The following DCT variants were observed in gnomAD, a reference collection of about 807,000 sequenced individuals.
The protein encoded by DCT is dopachrome tautomerase, also known as L-dopachrome tautomerase.
In DCT, 47 loss-of-function variants were observed where a neutral mutation model predicts 53.0. The ratio of observed to expected loss-of-function variants is 0.89; its 90% CI spans 0.70 to 1.13. The LOEUF (loss-of-function observed/expected upper bound fraction) is 1.13. DCT is among the 50% of genes most tolerant of loss of function. The pLI, the probability that DCT is intolerant of heterozygous loss-of-function variation, is 0.00. For synonymous variants in DCT, 244 were observed against 237.0 expected, an observed-to-expected ratio of 1.03 and a Z score of -0.27; for missense variants, 669 against 637.4, an observed-to-expected ratio of 1.05 and a Z score of -0.53.
At chr13:94,485,155 G>A in the DCT span, among the ~76,000 whole-genome samples, 3 of 151,876 alleles carry the variant, frequency 2.0e-5, no homozygotes, top group Non-Finnish European at 2.9e-5. Context: ...GCCACAAGAG[G>A]AACTTCAGGG....
At chr13:94,467,355 G>C (rs917134843) in intron 2 of DCT, 3 of 152,170 alleles carry the variant, frequency 2.0e-5, no homozygotes, top group African/African-American at 7.2e-5. Flanking sequence ...AGCTTTGATG[G>C]TTATGTGGAA....
At chr13:94,513,084 A>C in the DCT span, among the ~76,000 whole-genome samples, 1 of 152,256 alleles carries the variant, frequency 6.6e-6, no homozygotes, top group Non-Finnish European at 1.5e-5. Flanking sequence ...TTAAAGACAC[A>C]AAGGGCTGGT....
chr13:94,528,587 C>T, the DCT span, among the ~76,000 whole-genome samples: 58 of 152,220 alleles, frequency 3.8e-4, no homozygotes, highest in African/African-American at 1.3e-3. Context: ...GACAAGCAAA[C>T]GCTGAGAGAT....
chr13:94,440,676 G>GTTTTTTTTTTTTTTTTTTTTTTT (rs761688508), intron 7 of DCT, among the ~76,000 whole-genome samples: 1 of 98,054 alleles, frequency 1.0e-5, no homozygotes, highest in Non-Finnish European at 1.9e-5. Flanking sequence ...TCATTTTTTG[G>GTTTTTTTTTTTTTTTTTTTTTTT]TTTTTTTTTT....
chr13:94,524,434 G>A, the DCT span, among the ~76,000 whole-genome samples: 9 of 152,170 alleles, frequency 5.9e-5, no homozygotes, highest in South Asian at 2.1e-4. Context: ...GCCCATAGCC[G>A]TCCTGGGCCA....
chr13:94,528,805 T>C, the DCT span, among the ~76,000 whole-genome samples: 1 of 130,590 alleles, frequency 7.7e-6, no homozygotes, highest in Non-Finnish European at 1.6e-5. Flanking sequence ...TAACCTTAAA[T>C]GTAAATGGGC....
chr13:94,518,921 C>T, the DCT span, among the ~76,000 whole-genome samples: 1,571 of 152,266 alleles, frequency 0.01, 28 homozygotes, highest in African/African-American at 0.036. Context: ...TGCAGTCTTG[C>T]TGGCCTTATC....
intron 1 of DCT, among the ~76,000 whole-genome samples, chr13:94,476,309 C>T (rs1885081337): frequency 6.9e-6 from 1 of 145,596 alleles, no homozygotes; most frequent in South Asian, 2.2e-4. Context: ...TCTATTCTTT[C>T]TATCCCTACC....
At chr13:94,546,041 T>G in the DCT span, among the ~76,000 whole-genome samples, 4 of 152,186 alleles carry the variant, frequency 2.6e-5, no homozygotes, top group East Asian at 7.7e-4. This position sits in a 1 kb window ranked among gnomAD's most constrained non-coding sequence, Gnocchi z 4.2. Flanking sequence ...CTATGCACCA[T>G]CTGATGAAAG....
Position 94,479,270 on chromosome 13 carries a change from G to C in DCT, c.-15C>G. On this transcript the variant is annotated 5_prime_UTR_variant, in exon 1 of 8. Transcript: ENST00000377028. ...AGGGGGCTCATGGCTTTATAATTGG[G>C]AGAGCTCTCTCTCTCTCTTACTTTC... 6.4e-7 allele frequency: 1 copy of C among 1,550,996 alleles called. No homozygotes were observed. Among genetic ancestry groups the C allele is most frequent in the Non-Finnish European group, 8.7e-7 (1 of 1,143,734 alleles).
At chr13:94,452,812 A>T (rs1566815833) in intron 6 of DCT, 1 of 410,408 alleles carries the variant, frequency 2.4e-6, no homozygotes, top group Non-Finnish European at 4.3e-6. Flanking sequence ...GGAATAAGTT[A>T]AAAAAAAAGT....
chr13:94,530,695 C>A, the DCT span, among the ~76,000 whole-genome samples: 1 of 144,264 alleles, frequency 6.9e-6, no homozygotes, highest in East Asian at 2.5e-4. Flanking sequence ...CCTGAATGGG[C>A]AAAAACTGGA....
chr13:94,493,298 G>GA, the DCT span, among the ~76,000 whole-genome samples: 5 of 151,600 alleles, frequency 3.3e-5, no homozygotes, highest in East Asian at 1.9e-4. Context: ...TATGCTGAGT[G>GA]AAAAAAAACC....
At chr13:94,459,234 T>A (rs1883618640) in intron 6 of DCT, among the ~76,000 whole-genome samples, 1 of 151,966 alleles carries the variant, frequency 6.6e-6, no homozygotes, top group East Asian at 1.9e-4. Flanking sequence ...ACCAAAGGAG[T>A]TCATCACACT....
chr13:94,491,120 CAT>C, the DCT span, among the ~76,000 whole-genome samples: 1 of 152,072 alleles, frequency 6.6e-6, no homozygotes, highest in Non-Finnish European at 1.5e-5. Context: ...GACTGGGAAC[CAT>C]AGAGAGTAAA....
At chr13:94,443,005 C>G (rs949481544) in intron 7 of DCT, among the ~76,000 whole-genome samples, 1 of 152,190 alleles carries the variant, frequency 6.6e-6, no homozygotes, top group African/African-American at 2.4e-5. Context: ...ACTTTCCTCA[C>G]CCTAATCCCA....
chr13:94,533,526 T>C, the DCT span, among the ~76,000 whole-genome samples: 1 of 152,178 alleles, frequency 6.6e-6, no homozygotes, highest in Admixed American at 6.6e-5. Flanking sequence ...GGCTCACACC[T>C]ATAATCCCAA....
chr13:94,509,522 G>T, the DCT span, among the ~76,000 whole-genome samples: 1 of 151,972 alleles, frequency 6.6e-6, no homozygotes, highest in Non-Finnish European at 1.5e-5. Flanking sequence ...TGGCCCTAAA[G>T]TGGGGACAAT....
At chr13:94,465,971 TATATATATATATA>T (rs1884174682) in intron 3 of DCT, among the ~76,000 whole-genome samples, 172 bp from the exon 4 acceptor site, 1 of 2,590 alleles carries the variant, frequency 3.9e-4, no homozygotes, top group African/African-American at 1.6e-3. Flanking sequence ...GTATATTTTA[TATATATATATATA>T]TATATATATA....
Sources: gnomAD v4.1 joint callset for allele counts (sites outside exome capture counted in the v4.1 genomes callset) on GRCh38, gnomAD v4.1.1 for gene constraint, Gnocchi (gnomAD v3.1) non-coding constraint, MANE v1.5 for transcripts, NCBI Gene and HGNC (gene_info 2026-07-23, HGNC 2026-07-21) for gene names.